The following TACR1 variants were observed in gnomAD, a reference collection of about 807,000 sequenced individuals.
TACR1 encodes tachykinin receptor 1, also known as substance-P receptor.
A neutral mutation model predicts 35.8 loss-of-function variants in TACR1; 25 were observed. The ratio of observed to expected loss-of-function variants is 0.70; its 90% CI spans 0.51 to 0.98. TACR1 has a LOEUF of 0.98. TACR1 is among the 50% of genes least tolerant of loss of function. The pLI, the probability that TACR1 is intolerant of heterozygous loss-of-function variation, is 0.00. For missense variants in TACR1, 478 were observed against 522.9 expected (o/e 0.91, Z 0.84); for synonymous variants, 195 against 206.7 (o/e 0.94, Z 0.48).
At chr2:75,118,969 G>C (rs1035639168) in intron 2 of TACR1, 1 of 152,188 alleles carries the variant, frequency 6.6e-6, no homozygotes, top group Non-Finnish European at 1.5e-5. Flanking sequence ...ATATTTCCTA[G>C]GCTGAGCATT....
chr2:75,091,767 A>C (rs1483574308), intron 2 of TACR1, among the ~76,000 whole-genome samples: 1 of 152,176 alleles, frequency 6.6e-6, no homozygotes, highest in African/African-American at 2.4e-5. Context: ...ATTCACTCAC[A>C]TTCTCTTGGT....
intron 2 of TACR1, among the ~76,000 whole-genome samples, chr2:75,065,753 C>T (rs1370747676): frequency 2.6e-5 from 4 of 152,120 alleles, no homozygotes; most frequent in Non-Finnish European, 5.9e-5. Flanking sequence ...TTGGTGCCAA[C>T]GGATATGAGT....
rs145222269 is a variant in TACR1 at position 75,166,827 on chromosome 2, G to A, written c.389+31719C>T. Among the ~76,000 whole-genome samples the A allele has an allele frequency of 1.7e-3, 259 of 152,328 alleles. 2 individuals carry two copies. Among genetic ancestry groups the A allele is most frequent in the African/African-American group, 5.7e-3 (238 of 41,578 alleles). On this transcript the variant is annotated intron_variant, in intron 1 of 4. Coordinates refer to ENST00000305249, the MANE Select transcript of TACR1 (RefSeq NM_001058.4). Reference sequence around the variant, plus strand: ...GGATGGAGCAGACATACAGAGAAGTGCAGATATAGGAAAGTCTAGTTCTAG... The same window carrying A: ...GGATGGAGCAGACATACAGAGAAGTACAGATATAGGAAAGTCTAGTTCTAG...
At chr2:75,189,481 CT>C (rs1461122610) in intron 1 of TACR1, 2 of 152,090 alleles carry the variant, frequency 1.3e-5, no homozygotes, top group African/African-American at 4.8e-5. Context: ...ATATACATTG[CT>C]TTGTATGTGA....
chr2:75,190,631 G>T (rs1675820771), intron 1 of TACR1, among the ~76,000 whole-genome samples: 1 of 152,148 alleles, frequency 6.6e-6, no homozygotes, highest in African/African-American at 2.4e-5. Context: ...GTGGATGTCA[G>T]ACTTTTCAAA....
chr2:75,191,354 A>G (rs1202975813), intron 1 of TACR1, among the ~76,000 whole-genome samples: 1 of 152,092 alleles, frequency 6.6e-6, no homozygotes, highest in Non-Finnish European at 1.5e-5. Flanking sequence ...ACCTGCTGCT[A>G]GTGGGGGGTG....
intron 2 of TACR1, among the ~76,000 whole-genome samples, chr2:75,099,003 C>T (rs1281169044): frequency 1.3e-5 from 2 of 151,996 alleles, no homozygotes; most frequent in African/African-American, 4.8e-5. Flanking sequence ...GTGCCACTTC[C>T]AGACCACTTC....
intron 2 of TACR1, among the ~76,000 whole-genome samples, chr2:75,081,046 C>T (rs1217344075): frequency 6.6e-6 from 1 of 152,104 alleles, no homozygotes; most frequent in Non-Finnish European, 1.5e-5. Flanking sequence ...ATTCCAGGCC[C>T]TATGGCAGAC....
At chr2:75,153,199 C>G (rs747287081) in intron 1 of TACR1, among the ~76,000 whole-genome samples, 2 of 152,222 alleles carry the variant, frequency 1.3e-5, no homozygotes. Flanking sequence ...CTGCACCAGC[C>G]TAAGACTTCT....
intron 1 of TACR1, among the ~76,000 whole-genome samples, chr2:75,169,530 G>C (rs1320606645): frequency 1.3e-5 from 2 of 152,156 alleles, no homozygotes; most frequent in Non-Finnish European, 2.9e-5. Context: ...ACTGAGATCA[G>C]AATAATTTTT....
chr2:75,143,564 C>T (rs1674450286), intron 1 of TACR1, among the ~76,000 whole-genome samples: 1 of 152,156 alleles, frequency 6.6e-6, no homozygotes, highest in Non-Finnish European at 1.5e-5. Context: ...TCATGGTATT[C>T]CATAAAGGAG....
chr2:75,077,065 G>T (rs1672994911), intron 2 of TACR1, among the ~76,000 whole-genome samples: 1 of 152,046 alleles, frequency 6.6e-6, no homozygotes. Flanking sequence ...CTGCCTTCTG[G>T]GTTCAAGCGA....
At chr2:75,057,601 C>T (rs1196324486) in intron 2 of TACR1, among the ~76,000 whole-genome samples, 2 of 152,172 alleles carry the variant, frequency 1.3e-5, no homozygotes, top group Non-Finnish European at 2.9e-5. Flanking sequence ...TGCAGGATTG[C>T]ATTTATATGA....
In TACR1 at chr2:75,051,416, G is replaced by C; in HGVS notation, c.767C>G (p.Thr256Ser). Residue 256 changes from threonine (T) to serine (S), a missense_variant, in exon 4 of 5, where the codon ACC becomes AGC. Thr to Ser is a moderately conservative substitution (Grantham distance 58). Coordinates refer to ENST00000305249, the MANE Select transcript of TACR1 (RefSeq NM_001058.4). ...VVKMMIVVVC[T>S]FAICWLPFHI... is the part of the protein sequence containing the mutation. ...GAAGGGCAGCCAGCAGATGGCGAAGGTGCACACCACGACAATCATCATTTT... is the reference window on the plus strand; with the variant it reads ...GAAGGGCAGCCAGCAGATGGCGAAGCTGCACACCACGACAATCATCATTTT... 6.2e-7 allele frequency: 1 copy of C among 1,614,116 alleles called. No homozygotes were observed.
intron 1 of TACR1, among the ~76,000 whole-genome samples, chr2:75,159,885 C>T (rs920409453): frequency 1.4e-4 from 22 of 152,120 alleles, no homozygotes; most frequent in Non-Finnish European, 2.9e-4. Context: ...GCATTTACTA[C>T]ATGTCAATAG....
At chr2:75,169,419 A>G (rs1465572065) in intron 1 of TACR1, among the ~76,000 whole-genome samples, 1 of 152,220 alleles carries the variant, frequency 6.6e-6, no homozygotes, top group African/African-American at 2.4e-5. Context: ...AACAATGAGT[A>G]ACAATGTGGC....
rs200626468 is a variant in TACR1, at chr2:75,049,278, T to C, written c.*154A>G. 1 of 815,766 alleles carries C rather than the reference T, an allele frequency of 1.2e-6. No individual in the cohort carries two copies. The highest frequency in any genetic ancestry group is 1.9e-6 in the Non-Finnish European group (1 of 533,866). The allele number at this position is 815,766 out of a possible 1,614,324, so 50.5% of individuals were successfully genotyped here. On this transcript the variant is annotated 3_prime_UTR_variant, in exon 5 of 5. Coordinates refer to ENST00000305249, the MANE Select transcript of TACR1 (RefSeq NM_001058.4). ...TAGGGAAGAATTGAGATTTTTTGAC[T>C]CAAGGATGGAATGTTTTCCCTAACC...
At chr2:75,087,035 A>T (rs1302169022) in intron 2 of TACR1, among the ~76,000 whole-genome samples, 3 of 152,308 alleles carry the variant, frequency 2.0e-5, no homozygotes, top group African/African-American at 7.2e-5. Context: ...CCTGTGCTGT[A>T]AGTTTAAAAT....
In TACR1 at chr2:75,140,419, A is replaced by G. The variant is rs114606856; in HGVS notation, c.390-19651T>C. On this transcript the variant is annotated intron_variant, in intron 1 of 4. Coordinates refer to ENST00000305249, the MANE Select transcript of TACR1 (RefSeq NM_001058.4). Reference sequence around the variant, plus strand: ...TCAAATTTGCCTGCAAAGTTTACACAAGCAGATCATGTGAGGCATGTGCTT... The same window carrying G: ...TCAAATTTGCCTGCAAAGTTTACACGAGCAGATCATGTGAGGCATGTGCTT... 4.5e-3 allele frequency among the ~76,000 whole-genome samples: 680 copies of G among 152,244 alleles called. 3 individuals are homozygous for G. The highest frequency in any genetic ancestry group is 6.6e-3 in the Admixed American group (101 of 15,282).
Sources: allele counts gnomAD v4.1 joint callset (sites outside exome capture counted in the v4.1 genomes callset), GRCh38; gene constraint gnomAD v4.1.1; transcripts MANE v1.5; gene names NCBI Gene and HGNC (gene_info 2026-07-23, HGNC 2026-07-21).